Variants in CRHR2 observed in about 807,000 individuals in gnomAD.
CRHR2 encodes the protein corticotropin releasing hormone receptor 2, also known as corticotropin-releasing hormone receptor 2.
In CRHR2, 53 loss-of-function variants were observed where a neutral mutation model predicts 57.9. The observed-to-expected ratio is 0.92, with a 90% CI of 0.73 to 1.15. CRHR2 has a LOEUF of 1.15. Ranked by LOEUF, CRHR2 falls within the 50% of genes most tolerant of loss-of-function variation. The probability of loss-of-function intolerance (pLI) is 0.00; values close to 1 mark genes in which losing one functional copy is unlikely to be tolerated. For missense variants in CRHR2, 532 were observed against 542.6 expected (o/e 0.98, Z 0.19); for synonymous variants, 213 against 220.9 (o/e 0.96, Z 0.32).
Position 30,653,994 on chromosome 7 carries a change from A to T in CRHR2, c.1096-394T>A, listed in dbSNP as rs1783680198. On this transcript the variant is annotated intron_variant, in intron 11 of 11. Transcript: ENST00000471646. The surrounding 1 kb of genome is among the most constrained non-coding windows in gnomAD (Gnocchi z 5.0). Reference sequence around the variant, plus strand: ...TGCAGGGCGTTGGTGGTGTGCGCCCAGCTCACACACCTGGTGCGCCTCCTC... The same window carrying T: ...TGCAGGGCGTTGGTGGTGTGCGCCCTGCTCACACACCTGGTGCGCCTCCTC... 6.6e-6 allele frequency among the ~76,000 whole-genome samples: 1 copy of T among 151,938 alleles called. No homozygotes were observed. Among genetic ancestry groups the T allele is most frequent in the South Asian group, 2.1e-4 (1 of 4,808 alleles).
At chr7:30,683,916 G>A (rs1232697371), upstream of CRHR2, among the ~76,000 whole-genome samples, 1 of 152,190 alleles carries the variant, frequency 6.6e-6, no homozygotes, top group Non-Finnish European at 1.5e-5. Flanking sequence ...CAAAGCAGCA[G>A]GCAGGCTGCT....
At position 30,689,044 on chromosome 7, in the gene CRHR2, C is replaced by A. The variant is rs895528738; in HGVS notation, c.-167+147G>T. 8.1e-6 allele frequency: 6 copies of A among 736,220 alleles called. No individual in the cohort carries two copies. The African/African-American group carries it at 1.0e-4, about 13-fold the overall frequency. 45.6% of individuals were successfully genotyped at this position (736,220 alleles called of 1,614,324 possible). A position where few individuals can be genotyped will look rare whatever the true frequency, so the allele number is the denominator to read the frequency against. ...GAAGGGCCTGCGTAAGGGCCCTCAG[C>A]AAGGCAGAAATCAAACCAGGACTGG... On this transcript the variant is annotated intron_variant, in intron 2 of 13. Coordinates refer to the CRHR2 transcript ENST00000341843.
intron 1 of CRHR2, among the ~76,000 whole-genome samples, chr7:30,697,556 C>T (rs1456900682): frequency 6.6e-6 from 1 of 152,128 alleles, no homozygotes; most frequent in East Asian, 1.9e-4. Context: ...AGGGTCAAGG[C>T]TGGGTGGGTT....
At chr7:30,671,828 G>A (rs1022828730) in intron 2 of CRHR2, among the ~76,000 whole-genome samples, 2 of 146,444 alleles carry the variant, frequency 1.4e-5, no homozygotes, top group Non-Finnish European at 3.0e-5. Flanking sequence ...TGATGATGAT[G>A]ATGATGATGA....
In CRHR2 at chr7:30,654,929, C is replaced by A. The variant is rs193073846; in HGVS notation, c.1095+110G>T. 2.5e-4 allele frequency: 386 copies of A among 1,556,374 alleles called. 2 individuals are homozygous for A. In the East Asian group the frequency reaches 5.1e-3, roughly 21 times the overall value. ...CCTAAGGCCGGGTGGTATCTCAAGG[C>A]TTCCTCTCCCTGGCACTCCAGCAAG... On this transcript the variant is annotated intron_variant, in intron 11 of 11. Coordinates refer to ENST00000471646, the MANE Select transcript of CRHR2 (RefSeq NM_001883.5).
intron 2 of CRHR2, among the ~76,000 whole-genome samples, chr7:30,675,495 C>T (rs558096784): frequency 2.4e-4 from 37 of 152,372 alleles, no homozygotes; most frequent in Non-Finnish European, 4.0e-4. Flanking sequence ...CATAGGGCTA[C>T]GGACAAGCAG....
chr7:30,690,582 A>G (rs1784941630), intron 1 of CRHR2, among the ~76,000 whole-genome samples: 1 of 151,962 alleles, frequency 6.6e-6, no homozygotes. Flanking sequence ...AGCTGGGTCA[A>G]TGTTTGCCCC....
At chr7:30,654,648 T>G (rs1584076225) in intron 11 of CRHR2, 6 of 1,521,990 alleles carry the variant, frequency 3.9e-6, no homozygotes, top group Non-Finnish European at 2.6e-6. Flanking sequence ...CTGTGGCAGG[T>G]AGCGGGGGAA....
chr7:30,697,433 G>A (rs1377928943), intron 1 of CRHR2, among the ~76,000 whole-genome samples: 1 of 152,190 alleles, frequency 6.6e-6, no homozygotes, highest in Non-Finnish European at 1.5e-5. Context: ...TAAATAAGTG[G>A]TCCCACCTTC....
chr7:30,671,194 A>G (rs889562276), intron 2 of CRHR2, among the ~76,000 whole-genome samples: 2 of 152,118 alleles, frequency 1.3e-5, no homozygotes, highest in African/African-American at 4.8e-5. Flanking sequence ...CTATGATGTT[A>G]TTGGCATCTC....
Position 30,670,142 on chromosome 7 carries a change from C to T in CRHR2, c.230-2829G>A, listed in dbSNP as rs890332481. Among the ~76,000 whole-genome samples, 9 of 152,208 alleles carry T rather than the reference C, an allele frequency of 5.9e-5. No individual in the cohort carries two copies. In the South Asian group the frequency reaches 1.9e-3, roughly 32 times the overall value. ...ATAATCCAGTACACACACACACACA[C>T]AAACACAGAATCCAGCTGTACTATT... On this transcript the variant is annotated intron_variant, in intron 2 of 11. Coordinates refer to ENST00000471646, the MANE Select transcript of CRHR2 (RefSeq NM_001883.5).
At chr7:30,687,394 G>C (rs1268313753), upstream of CRHR2, among the ~76,000 whole-genome samples, 1 of 150,746 alleles carries the variant, frequency 6.6e-6, no homozygotes, top group Non-Finnish European at 1.5e-5. Flanking sequence ...AGTTATAAGA[G>C]GAAAAAGCAG....
At chr7:30,666,992 GC>G (rs1311771207) in intron 3 of CRHR2, among the ~76,000 whole-genome samples, 1 of 152,204 alleles carries the variant, frequency 6.6e-6, no homozygotes, top group Non-Finnish European at 1.5e-5. Context: ...TGCCACCTTG[GC>G]TTTGTCCTCT....
chr7:30,653,639 C>T lies in CRHR2; in HGVS notation c.1096-39G>A, dbSNP rs925614677. 1.9e-6 allele frequency: 3 copies of T among 1,568,604 alleles called. No homozygotes were observed. Among genetic ancestry groups the T allele is most frequent in the Non-Finnish European group, 1.7e-6 (2 of 1,162,684 alleles). Reference sequence around the variant, plus strand: ...AGAGGCTCAGCTGGCTCCCAGGGACCAACCCTGGGCTTCTGGGACCATCCC... The same window carrying T: ...AGAGGCTCAGCTGGCTCCCAGGGACTAACCCTGGGCTTCTGGGACCATCCC... On this transcript the variant is annotated intron_variant, in intron 11 of 11. Transcript: ENST00000471646. This position sits in a 1 kb window ranked among gnomAD's most constrained non-coding sequence, Gnocchi z 5.0.
In CRHR2 at chr7:30,662,686, A is replaced by C. The variant is rs749513113; in HGVS notation, c.697+8T>G. 1 of 1,611,238 alleles carries C rather than the reference A, an allele frequency of 6.2e-7. No homozygotes were observed. The highest frequency in any genetic ancestry group is 2.2e-5 in the East Asian group (1 of 44,824). Reference sequence around the variant, plus strand: ...CCAACTAGGCCCTGCTGCCCCTGGGACCCTCACACCATCCGATGAAGAGGA... The same window carrying C: ...CCAACTAGGCCCTGCTGCCCCTGGGCCCCTCACACCATCCGATGAAGAGGA... On this transcript the variant is annotated splice_region_variant and intron_variant, in intron 6 of 11. Transcript: ENST00000471646.
At chr7:30,673,261 G>A (rs1289673467) in intron 2 of CRHR2, among the ~76,000 whole-genome samples, 1 of 152,014 alleles carries the variant, frequency 6.6e-6, no homozygotes, top group Admixed American at 6.6e-5. Context: ...CCAGGTTGGG[G>A]GGCAGTGGTG....
intron 6 of CRHR2, 138 bp downstream of exon 6, chr7:30,662,556 G>T: frequency 2.0e-6 from 2 of 1,005,832 alleles, no homozygotes; most frequent in Non-Finnish European, 2.9e-6. Context: ...CAGCATGGAG[G>T]GAAGTAGCTG....
chr7:30,696,726 A>C (rs1258286713), intron 1 of CRHR2, among the ~76,000 whole-genome samples: 1 of 152,168 alleles, frequency 6.6e-6, no homozygotes, highest in Non-Finnish European at 1.5e-5. Flanking sequence ...TCCATCTCAA[A>C]AAAATAAAAT....
rs1435662468 is a variant in CRHR2 at position 30,665,724 on chromosome 7, G to C, written c.316-85C>G. On this transcript the variant is annotated intron_variant, in intron 3 of 11. Transcript: ENST00000471646. The surrounding 1 kb of genome is among the most constrained non-coding windows in gnomAD (Gnocchi z 4.5). ...GTATTCCAGCCGTGGCCACCTCTGT[G>C]TCCTGACCTTGGGGGCAGAAGTGCT... 8.7e-7 allele frequency: 1 copy of C among 1,147,546 alleles called. No individual in the cohort carries two copies. Among genetic ancestry groups the C allele is most frequent in the African/African-American group, 1.5e-5 (1 of 65,174 alleles). The allele number at this position is 1,147,546 out of a possible 1,614,324, so 71.1% of individuals were successfully genotyped here.
Sources: gnomAD v4.1 joint callset for allele counts (sites outside exome capture counted in the v4.1 genomes callset) on GRCh38, gnomAD v4.1.1 for gene constraint, Gnocchi (gnomAD v3.1) non-coding constraint, MANE v1.5 for transcripts, NCBI Gene and HGNC (gene_info 2026-07-23, HGNC 2026-07-21) for gene names.